PTPRE: variants seen among roughly 807,000 people sequenced by gnomAD.
The protein encoded by PTPRE is protein tyrosine phosphatase receptor type E, also known as receptor-type tyrosine-protein phosphatase epsilon.
A neutral mutation model predicts 102.0 loss-of-function variants in PTPRE; 51 were observed. The ratio of observed to expected loss-of-function variants is 0.50; its 90% CI spans 0.40 to 0.63. The LOEUF (loss-of-function observed/expected upper bound fraction) is 0.63, where lower values mean the gene tolerates loss of function less well. Ranked by LOEUF, PTPRE falls within the 30% of genes least tolerant of loss-of-function variation. PTPRE has a pLI of 0.00. For synonymous variants in PTPRE, 345 were observed against 348.2 expected, an observed-to-expected ratio of 0.99 and a Z score of 0.10; for missense variants, 752 against 915.1, an observed-to-expected ratio of 0.82 and a Z score of 2.30.
chr10:127,931,416 C>A (rs996733932), intron 1 of PTPRE, among the ~76,000 whole-genome samples: 1 of 152,194 alleles, frequency 6.6e-6, no homozygotes, highest in African/African-American at 2.4e-5. Flanking sequence ...TTAAAATGTT[C>A]TTTACATTTT....
chr10:127,984,788 T>C (rs1237558521), intron 2 of PTPRE, among the ~76,000 whole-genome samples: 1 of 152,226 alleles, frequency 6.6e-6, no homozygotes, highest in East Asian at 1.9e-4. Flanking sequence ...GCCTTTCACC[T>C]TCAGCCATGA....
At chr10:127,993,809 A>G (rs893315731) in intron 2 of PTPRE, among the ~76,000 whole-genome samples, 59 of 149,540 alleles carry the variant, frequency 3.9e-4, no homozygotes, top group African/African-American at 1.4e-3. Flanking sequence ...GTGACCTTCT[A>G]TTTAATGTCA....
At chr10:128,058,888 A>C (rs1849251280) in intron 7 of PTPRE, among the ~76,000 whole-genome samples, 1 of 152,198 alleles carries the variant, frequency 6.6e-6, no homozygotes, top group Non-Finnish European at 1.5e-5. Flanking sequence ...GGCTCTGGGC[A>C]GGCATGTGGC....
chr10:127,975,799 C>T (rs2148894), intron 1 of PTPRE, among the ~76,000 whole-genome samples: 31,310 of 152,028 alleles, frequency 0.21, 3,607 homozygotes, highest in South Asian at 0.25. Context: ...ATTGGAGGAG[C>T]GAGGCAGGTA....
intron 1 of PTPRE, among the ~76,000 whole-genome samples, chr10:127,959,187 C>T (rs1369142109): frequency 1.3e-5 from 2 of 152,234 alleles, no homozygotes; most frequent in African/African-American, 2.4e-5. Flanking sequence ...TGAGCCACCA[C>T]GCCCGGCTGA....
At chr10:128,077,225 C>T (rs975787382) in intron 18 of PTPRE, among the ~76,000 whole-genome samples, 1 of 152,220 alleles carries the variant, frequency 6.6e-6, no homozygotes, top group African/African-American at 2.4e-5. Context: ...CCATGCCAGC[C>T]ACAGAGCCAC....
chr10:127,987,404 G>A (rs1392784717), intron 2 of PTPRE: 7 of 1,212,200 alleles, frequency 5.8e-6, no homozygotes, highest in Non-Finnish European at 6.5e-6. Context: ...AGGTAACGGG[G>A]AGCTCAGAGG....
intron 2 of PTPRE, 133 bp from the exon 3 acceptor site, chr10:128,040,742 G>C: frequency 6.1e-6 from 4 of 652,492 alleles, no homozygotes; most frequent in Non-Finnish European, 5.5e-6. Context: ...CCGTGAAAGT[G>C]ACAGGCAAAG....
chr10:128,006,039 A>G (rs990496772), intron 2 of PTPRE, among the ~76,000 whole-genome samples: 13 of 152,220 alleles, frequency 8.5e-5, no homozygotes, highest in Non-Finnish European at 1.5e-4. Context: ...GTCCACCCTA[A>G]TCCATGATGA....
At chr10:128,017,236 G>C (rs954571264) in intron 2 of PTPRE, among the ~76,000 whole-genome samples, 2 of 152,274 alleles carry the variant, frequency 1.3e-5, no homozygotes, top group Admixed American at 6.5e-5. Context: ...GGCTCAGAGG[G>C]GAATGGATCA....
At chr10:127,965,002 T>C (rs1174486375) in intron 1 of PTPRE, 2 of 456,742 alleles carry the variant, frequency 4.4e-6, no homozygotes, top group East Asian at 1.4e-4. Flanking sequence ...TGACATGGTA[T>C]GAAGGCATTT....
intron 2 of PTPRE, among the ~76,000 whole-genome samples, chr10:128,013,095 G>A (rs1484597589): frequency 6.6e-6 from 1 of 152,050 alleles, no homozygotes; most frequent in African/African-American, 2.4e-5. Flanking sequence ...ACTCCCAAAG[G>A]GTAGCTTTTT....
At chr10:128,007,038 T>C (rs1854624143) in intron 2 of PTPRE, among the ~76,000 whole-genome samples, 3 of 152,226 alleles carry the variant, frequency 2.0e-5, no homozygotes, top group Non-Finnish European at 4.4e-5. Flanking sequence ...GCCTATTTCC[T>C]ATTTTCCCAT....
chr10:127,923,514 CCG>C (rs1268368130), intron 1 of PTPRE, among the ~76,000 whole-genome samples: 6 of 151,724 alleles, frequency 4.0e-5, no homozygotes, highest in Admixed American at 3.3e-4. Flanking sequence ...AGTGATTCTC[CCG>C]CCTCAGCCTC....
rs372088163 is a variant in PTPRE at position 127,947,425 on chromosome 10, TC to T, written c.-30-34848del. 2.3e-3 allele frequency among the ~76,000 whole-genome samples: 356 copies of T among 152,298 alleles called. 3 individuals are homozygous for T. The highest frequency in any genetic ancestry group is 8.5e-3 in the South Asian group (41 of 4,822). The stretch of plus-strand genomic sequence containing the variant: ...GGTGTTGCCACACCCTGAGGCCCAT[TC>T]TCCCCTATGCTGTGTGTTAGAAGTC... On this transcript the variant is annotated intron_variant, in intron 1 of 20. Transcript: ENST00000254667.
intron 7 of PTPRE, 23 bp from the exon 8 acceptor site, chr10:128,060,916 C>G (rs1177422188): frequency 1.9e-6 from 3 of 1,610,732 alleles, no homozygotes; most frequent in Non-Finnish European, 2.5e-6. Context: ...AATATCTTGG[C>G]TTTGTTTGGG....
chr10:128,003,253 T>C (rs1266862514), intron 2 of PTPRE, among the ~76,000 whole-genome samples: 7 of 152,282 alleles, frequency 4.6e-5, no homozygotes, highest in South Asian at 4.1e-4. Context: ...GTGGGCCCCA[T>C]AGAGTGTAGC....
At chr10:127,924,854 G>A (rs1019379518) in intron 1 of PTPRE, among the ~76,000 whole-genome samples, 1 of 152,154 alleles carries the variant, frequency 6.6e-6, no homozygotes, top group Non-Finnish European at 1.5e-5. Context: ...TCTAGAAAGC[G>A]GACATTGTAA....
chr10:128,080,073 CCTT>C (rs1339001903), intron 20 of PTPRE, among the ~76,000 whole-genome samples: 1 of 137,288 alleles, frequency 7.3e-6, no homozygotes, highest in African/African-American at 2.6e-5. Flanking sequence ...AAATCCTGGT[CCTT>C]CTCATTTCAA....
Sources: allele counts gnomAD v4.1 joint callset (sites outside exome capture counted in the v4.1 genomes callset), GRCh38; gene constraint gnomAD v4.1.1; transcripts MANE v1.5; gene names NCBI Gene and HGNC (gene_info 2026-07-23, HGNC 2026-07-21).